GRIK1: variants seen among roughly 807,000 people sequenced by gnomAD.
GRIK1 encodes glutamate receptor ionotropic, kainate 1.
GRIK1 carries 69 observed loss-of-function variants against 105.7 expected under a neutral mutation model. The observed-to-expected ratio is 0.65, with a 90% CI of 0.54 to 0.80. The LOEUF (loss-of-function observed/expected upper bound fraction) is 0.80. Ranked by LOEUF, GRIK1 falls within the 30% of genes least tolerant of loss-of-function variation. The pLI is 0.00. For missense variants in GRIK1, 1,109 were observed against 1,167.3 expected (o/e 0.95, Z 0.73); for synonymous variants, 438 against 431.3 (o/e 1.02, Z -0.19).
At chr21:29,917,810 A>G (rs1447214286) in intron 1 of GRIK1, among the ~76,000 whole-genome samples, 2 of 152,048 alleles carry the variant, frequency 1.3e-5, no homozygotes, top group Non-Finnish European at 1.5e-5. Flanking sequence ...TGTGATTTAT[A>G]TATTTTAGTT....
intron 1 of GRIK1, among the ~76,000 whole-genome samples, chr21:29,815,874 C>T (rs1186671544): frequency 6.6e-6 from 1 of 151,918 alleles, no homozygotes; most frequent in Admixed American, 6.6e-5. Context: ...GGAAACAATC[C>T]AGGACACTGG....
chr21:29,634,927 C>T (rs2062365096), intron 7 of GRIK1, among the ~76,000 whole-genome samples: 1 of 152,138 alleles, frequency 6.6e-6, no homozygotes, highest in South Asian at 2.1e-4. Flanking sequence ...GGGTAGAATA[C>T]CTACTGCACA....
intron 1 of GRIK1, among the ~76,000 whole-genome samples, chr21:29,730,798 C>A (rs892513073): frequency 2.6e-5 from 4 of 152,030 alleles, no homozygotes; most frequent in African/African-American, 9.7e-5. Context: ...GTATCTTTAG[C>A]CTACACTTTT....
At chr21:29,913,023 A>G (rs907278623) in intron 1 of GRIK1, among the ~76,000 whole-genome samples, 1 of 152,110 alleles carries the variant, frequency 6.6e-6, no homozygotes, top group African/African-American at 2.4e-5. Context: ...AATACATGCC[A>G]TGGGTGTTTA....
chr21:29,818,083 C>T (rs927731537), intron 1 of GRIK1, among the ~76,000 whole-genome samples: 1 of 152,052 alleles, frequency 6.6e-6, no homozygotes, highest in Non-Finnish European at 1.5e-5. Flanking sequence ...TCTTAGACAA[C>T]ATGGTGTACT....
At position 29,689,864 on chromosome 21, in the gene GRIK1, T is replaced by A. The variant is rs1276921756; in HGVS notation, c.408A>T (p.Lys136Asn). Residue 136 changes from lysine to asparagine, a missense_variant, in exon 3 of 18, where the codon AAA becomes AAT. Physicochemically the swap from Lys to Asn is moderately conservative, Grantham distance 94 (BLOSUM62 0). Transcript: ENST00000327783. ...AATCTTTGTTGTCCACCGAGGGGTG[T>A]TTCCAGCGGGTCTGTATGTGTGGAA... ...LEVPHIQTRW[K>N]HPSVDNKDLF... The A allele has an allele frequency of 6.2e-7, 1 of 1,613,966 alleles. No homozygotes were observed. The highest frequency in any genetic ancestry group is 1.3e-5 in the African/African-American group (1 of 74,974).
intron 7 of GRIK1, chr21:29,630,823 T>C (rs887870677): frequency 2.3e-5 from 8 of 354,288 alleles, no homozygotes; most frequent in Non-Finnish European, 3.8e-5. Context: ...ACAGGCTCTC[T>C]TGTTCTCTCT....
chr21:29,839,492 G>C (rs1212261429), intron 1 of GRIK1, among the ~76,000 whole-genome samples: 1 of 152,190 alleles, frequency 6.6e-6, no homozygotes, highest in Non-Finnish European at 1.5e-5. Context: ...GAATTTCAAT[G>C]ATAATTGTGA....
In GRIK1 at chr21:29,725,292, C is replaced by A. The variant is rs112671872; in HGVS notation, c.119-31229G>T. 3.7e-3 allele frequency among the ~76,000 whole-genome samples: 566 copies of A among 152,314 alleles called. 1 individual carries two copies. Among genetic ancestry groups the A allele is most frequent in the African/African-American group, 0.013 (542 of 41,576 alleles). The stretch of plus-strand genomic sequence containing the variant: ...TAAACATTGGAGAGTAAGCAACAAC[C>A]TGCCAATTCTTATCTTCCTCGTTGG... On this transcript the variant is annotated intron_variant, in intron 1 of 17. Coordinates refer to ENST00000327783, the MANE Select transcript of GRIK1 (RefSeq NM_001330994.2).
At chr21:29,641,686 C>A (rs776372242) in intron 7 of GRIK1, among the ~76,000 whole-genome samples, 32 of 152,144 alleles carry the variant, frequency 2.1e-4, no homozygotes, top group Non-Finnish European at 4.4e-4. Flanking sequence ...AATACTCACC[C>A]AAGAATGAAT....
rs1601326318 is a variant in GRIK1 at position 29,631,550 on chromosome 21, C to T, written c.1098+11276G>A. Among the ~76,000 whole-genome samples the T allele has an allele frequency of 3.3e-5, 5 of 152,186 alleles. 1 individual carries two copies. In the South Asian group the frequency reaches 1.0e-3, roughly 31 times the overall value. On this transcript the variant is annotated intron_variant, in intron 7 of 17. Coordinates refer to ENST00000327783, the MANE Select transcript of GRIK1 (RefSeq NM_001330994.2). The stretch of plus-strand genomic sequence containing the variant: ...ATGCCTTTTGTTTAAGCCACCCAGT[C>T]TAAAGGATTTTGTTATAGCAGCCCA...
chr21:29,586,085 C>A (rs557542392), intron 12 of GRIK1, among the ~76,000 whole-genome samples: 1 of 152,234 alleles, frequency 6.6e-6, no homozygotes, highest in Admixed American at 6.5e-5. Flanking sequence ...GGTTGAGAAC[C>A]ACTGATTTAG....
chr21:29,743,715 AAG>A (rs2064984158), intron 1 of GRIK1, among the ~76,000 whole-genome samples: 1 of 152,110 alleles, frequency 6.6e-6, no homozygotes, highest in Non-Finnish European at 1.5e-5. Context: ...ATATATATAA[AAG>A]AAATAATATT....
At chr21:29,560,503 C>CTTTCTTT (rs2090428745) in intron 15 of GRIK1, among the ~76,000 whole-genome samples, 18 of 15,620 alleles carry the variant, frequency 1.2e-3, no homozygotes, top group African/African-American at 1.2e-3. Context: ...TTCTTTCCTT[C>CTTTCTTT]CTTCCTTCCT....
intron 1 of GRIK1, among the ~76,000 whole-genome samples, chr21:29,882,625 A>T (rs1158164106): frequency 6.6e-6 from 1 of 152,138 alleles, no homozygotes; most frequent in African/African-American, 2.4e-5. Flanking sequence ...CAAAGAACTT[A>T]CAAAGGGAAA....
intron 1 of GRIK1, among the ~76,000 whole-genome samples, chr21:29,700,834 A>G (rs1046004842): frequency 6.6e-6 from 1 of 152,170 alleles, no homozygotes; most frequent in Non-Finnish European, 1.5e-5. Context: ...CTTCTTCCCA[A>G]AAGGAATTTC....
At chr21:29,564,426 C>T (rs926651026) in intron 14 of GRIK1, among the ~76,000 whole-genome samples, 1 of 152,178 alleles carries the variant, frequency 6.6e-6, no homozygotes, top group African/African-American at 2.4e-5. Flanking sequence ...GGATTACAGG[C>T]GTGAGCCACC....
intron 1 of GRIK1, among the ~76,000 whole-genome samples, chr21:29,702,868 T>C (rs1221601556): frequency 6.6e-5 from 1 of 15,190 alleles, no homozygotes; most frequent in Non-Finnish European, 1.2e-4. Context: ...TACCCAGATT[T>C]CAGACTTCTG....
intron 7 of GRIK1, among the ~76,000 whole-genome samples, chr21:29,639,847 C>G (rs2062473918): frequency 6.6e-6 from 1 of 152,136 alleles, no homozygotes; most frequent in Non-Finnish European, 1.5e-5. Context: ...ATTTGTTTAG[C>G]AAATGCTCGG....
Sources: gnomAD v4.1 joint callset for allele counts (sites outside exome capture counted in the v4.1 genomes callset) on GRCh38, gnomAD v4.1.1 for gene constraint, MANE v1.5 for transcripts, NCBI Gene and HGNC (gene_info 2026-07-23, HGNC 2026-07-21) for gene names.